The following TLK1 variants were observed in gnomAD, a reference collection of about 807,000 sequenced individuals.
The protein encoded by TLK1 is serine/threonine-protein kinase tousled-like 1.
TLK1 carries 24 observed loss-of-function variants against 105.3 expected under a neutral mutation model. The observed-to-expected ratio is 0.23, with a 90% CI of 0.17 to 0.32. The LOEUF (loss-of-function observed/expected upper bound fraction) is 0.32, where lower values mean the gene tolerates loss of function less well. Among genes scored for constraint, TLK1 ranks in the 10% least tolerant of loss-of-function variants. The pLI, the probability that TLK1 is intolerant of heterozygous loss-of-function variation, is 1.00. For missense variants in TLK1, 558 were observed against 910.5 expected (o/e 0.61, Z 4.98); for synonymous variants, 321 against 310.4 (o/e 1.03, Z -0.36).
At chr2:171,044,551 T>A (rs539310686) in intron 11 of TLK1, among the ~76,000 whole-genome samples, 2 of 152,270 alleles carry the variant, frequency 1.3e-5, no homozygotes, top group Admixed American at 1.3e-4. Flanking sequence ...GACAGAAGTA[T>A]CCGATACTCA....
At chr2:171,123,472 G>C (rs1031717894) in intron 1 of TLK1, among the ~76,000 whole-genome samples, 1 of 152,024 alleles carries the variant, frequency 6.6e-6, no homozygotes, top group East Asian at 1.9e-4. Context: ...TAAAGTGCTG[G>C]GATTACAGGC....
chr2:171,160,521 G>A lies in TLK1; in HGVS notation c.-93C>T. On this transcript the variant is annotated 5_prime_UTR_variant, in exon 1 of 21. Transcript: ENST00000431350. The surrounding 1 kb of genome is among the most constrained non-coding windows in gnomAD (Gnocchi z 4.4). ...CCTCCGTCATGGCGGGGGCCGCGCT[G>A]AGGGCGAGCGAGAGAGCGAGGGCTG... 1 of 1,556,640 alleles carries A rather than the reference G, an allele frequency of 6.4e-7. No homozygotes were observed. The highest frequency in any genetic ancestry group is 8.6e-7 in the Non-Finnish European group (1 of 1,158,992).
Position 171,028,390 on chromosome 2 carries a change from T to C in TLK1, c.1185A>G (p.Glu395=). Residue 395 remains glutamate, a synonymous_variant, in exon 12 of 21, where the codon GAA becomes GAG. Transcript: ENST00000431350. ...TGAAAATTTCTTCCTGTTCATGATATTCTGCCAAAGTCAACCTGTCAAAAA... is the reference window on the plus strand; with the variant it reads ...TGAAAATTTCTTCCTGTTCATGATACTCTGCCAAAGTCAACCTGTCAAAAA... ...PNLPQLLTLA[E]YHEQEEIFKL... 1.9e-6 allele frequency: 3 copies of C among 1,609,656 alleles called. No homozygotes were observed. Among genetic ancestry groups the C allele is most frequent in the Non-Finnish European group, 2.5e-6 (3 of 1,176,932 alleles).
intron 6 of TLK1, 146 bp downstream of exon 6, chr2:171,056,325 T>C: frequency 1.8e-6 from 1 of 558,484 alleles, no homozygotes; most frequent in Non-Finnish European, 3.0e-6. Flanking sequence ...AAGGATTTAA[T>C]TCATGTCACA....
intron 1 of TLK1, among the ~76,000 whole-genome samples, chr2:171,167,183 T>C (rs1301465591): frequency 6.6e-6 from 1 of 152,218 alleles, no homozygotes; most frequent in African/African-American, 2.4e-5. Context: ...GTTTGTCTTA[T>C]TCTTTCTCTT....
intron 11 of TLK1, among the ~76,000 whole-genome samples, chr2:171,040,852 C>T (rs1223934960): frequency 1.3e-5 from 2 of 152,086 alleles, no homozygotes; most frequent in Non-Finnish European, 1.5e-5. Context: ...GCTGGGATTA[C>T]AGGCCTGAGC....
Position 170,997,697 on chromosome 2 carries a change from T to A in TLK1, c.2016+15A>T. 1 of 1,534,296 alleles carries A rather than the reference T, an allele frequency of 6.5e-7. No individual in the cohort carries two copies. The highest frequency in any genetic ancestry group is 8.9e-7 in the Non-Finnish European group (1 of 1,121,626). ...TTATCTCTGTAGAGCTGAAGGCTGG[T>A]AGAATTCAATTTACCTTTCTACCAT... On this transcript the variant is annotated intron_variant, in intron 19 of 20. Transcript: ENST00000431350.
rs534220929 is a variant in TLK1 at position 171,075,403 on chromosome 2, C to G, written c.330+7378G>C. On this transcript the variant is annotated intron_variant, in intron 3 of 20. Coordinates refer to ENST00000431350, the MANE Select transcript of TLK1 (RefSeq NM_012290.5). ...ATAAAGGCTTAAGACTTGGTAGTTA[C>G]CCATGAAAAATGGTGGAAAACTACT... Among the ~76,000 whole-genome samples, 4 of 152,120 alleles carry G rather than the reference C, an allele frequency of 2.6e-5. No homozygotes were observed. In the East Asian group the frequency reaches 7.7e-4, roughly 29 times the overall value.
chr2:171,092,200 A>T (rs2105491460), intron 2 of TLK1, among the ~76,000 whole-genome samples: 1 of 152,284 alleles, frequency 6.6e-6, no homozygotes, highest in South Asian at 2.1e-4. Flanking sequence ...TTCTTTGCTC[A>T]AGGTAGCTAG....
At chr2:171,211,554 G>GC (rs1693612496) in intron 1 of TLK1, among the ~76,000 whole-genome samples, 1 of 136,062 alleles carries the variant, frequency 7.3e-6, no homozygotes, top group Non-Finnish European at 1.5e-5. Context: ...TTAAATGGAT[G>GC]CTTTTTTTTT....
In TLK1 at chr2:171,082,857, T is replaced by C; in HGVS notation, c.259-5A>G. On this transcript the variant is annotated splice_polypyrimidine_tract_variant and splice_region_variant and intron_variant, in intron 2 of 20. Coordinates refer to ENST00000431350, the MANE Select transcript of TLK1 (RefSeq NM_012290.5). ...GCTTTCGTTATTTGTTGAGGCCTGTTAAAGATTTTTTAAAAGGTAAAAATT... is the reference window on the plus strand; with the variant it reads ...GCTTTCGTTATTTGTTGAGGCCTGTCAAAGATTTTTTAAAAGGTAAAAATT... 1 of 1,596,806 alleles carries C rather than the reference T, an allele frequency of 6.3e-7. No homozygotes were observed. Among genetic ancestry groups the C allele is most frequent in the Non-Finnish European group, 8.5e-7 (1 of 1,174,472 alleles).
chr2:171,014,812 T>C (rs777490374), intron 13 of TLK1, 39 bp downstream of exon 13: 1 of 1,481,662 alleles, frequency 6.7e-7, no homozygotes, highest in Non-Finnish European at 9.4e-7. Flanking sequence ...GGGGGTAGTT[T>C]TAATAATATG....
At chr2:171,222,032 A>T (rs1693819217) in intron 1 of TLK1, among the ~76,000 whole-genome samples, 1 of 152,166 alleles carries the variant, frequency 6.6e-6, no homozygotes, top group Non-Finnish European at 1.5e-5. Flanking sequence ...GGATTGTGTG[A>T]CTGGTTCTGG....
rs911716266 is a variant in TLK1, at chr2:171,160,827, C to T, written c.-399G>A. 17 of 342,630 alleles carry T rather than the reference C, an allele frequency of 5.0e-5. No homozygotes were observed. The highest frequency in any genetic ancestry group is 6.8e-5 in the Non-Finnish European group (13 of 192,142). 21.2% of individuals were successfully genotyped at this position (342,630 alleles called of 1,614,324 possible). ...GGCACCTCTGCAGTGCGTCGGCCCCCGGCGTCGCCCGGGAGGCGGCGGCGG... is the reference window on the plus strand; with the variant it reads ...GGCACCTCTGCAGTGCGTCGGCCCCTGGCGTCGCCCGGGAGGCGGCGGCGG... On this transcript the variant is annotated 5_prime_UTR_variant, in exon 1 of 21. Transcript: ENST00000431350. The surrounding 1 kb of genome is among the most constrained non-coding windows in gnomAD (Gnocchi z 4.4).
chr2:171,074,552 A>C (rs1453225994), intron 3 of TLK1, among the ~76,000 whole-genome samples: 2 of 151,416 alleles, frequency 1.3e-5, no homozygotes, highest in Non-Finnish European at 2.9e-5. Flanking sequence ...TGCTGAGCCC[A>C]GAAGGCAGTG....
At chr2:171,224,497 T>A (rs748138449) in intron 1 of TLK1, among the ~76,000 whole-genome samples, 1 of 152,196 alleles carries the variant, frequency 6.6e-6, no homozygotes, top group Non-Finnish European at 1.5e-5. Context: ...GCATTGAAAC[T>A]TTAGACTGCT....
chr2:171,160,581 G>C lies in TLK1; in HGVS notation c.-153C>G, dbSNP rs1259436771. 1.6e-6 allele frequency: 2 copies of C among 1,220,088 alleles called. No individual in the cohort carries two copies. Among genetic ancestry groups the C allele is most frequent in the African/African-American group, 1.6e-5 (1 of 63,058 alleles). The allele number at this position is 1,220,088 out of a possible 1,614,324, so 75.6% of individuals were successfully genotyped here. ...AGTCAAGGGGATGGGGGAGGAAACCGAGAAGAGGGGAGGTGGGGAGGAAAG... is the reference window on the plus strand; with the variant it reads ...AGTCAAGGGGATGGGGGAGGAAACCCAGAAGAGGGGAGGTGGGGAGGAAAG... On this transcript the variant is annotated 5_prime_UTR_variant, in exon 1 of 21. Coordinates refer to ENST00000431350, the MANE Select transcript of TLK1 (RefSeq NM_012290.5). This position sits in a 1 kb window ranked among gnomAD's most constrained non-coding sequence, Gnocchi z 4.4.
intron 1 of TLK1, among the ~76,000 whole-genome samples, chr2:171,200,390 A>C (rs1693375288): frequency 6.6e-6 from 1 of 152,222 alleles, no homozygotes; most frequent in South Asian, 2.1e-4. Context: ...AATTATCTTT[A>C]TCATATGACT....
In TLK1 at chr2:171,018,117, G is replaced by A. The variant is rs1685295128; in HGVS notation, c.1237-3169C>T. ...ATGAGGCCTTTGGGAGGTACTTAGGGTTGGATTAGGTTATGGAGCCTTCAT... is the reference window on the plus strand; with the variant it reads ...ATGAGGCCTTTGGGAGGTACTTAGGATTGGATTAGGTTATGGAGCCTTCAT... On this transcript the variant is annotated intron_variant, in intron 12 of 20. Transcript: ENST00000431350. Among the ~76,000 whole-genome samples, 3 of 152,318 alleles carry A rather than the reference G, an allele frequency of 2.0e-5. No homozygotes were observed. The South Asian group carries it at 6.2e-4, about 32-fold the overall frequency.
Sources: allele counts gnomAD v4.1 joint callset (sites outside exome capture counted in the v4.1 genomes callset), GRCh38; gene constraint gnomAD v4.1.1; non-coding constraint Gnocchi (gnomAD v3.1); transcripts MANE v1.5; gene names NCBI Gene and HGNC (gene_info 2026-07-23, HGNC 2026-07-21).